The following DENND2B variants were observed in gnomAD, a reference collection of about 807,000 sequenced individuals.
DENND2B encodes DENN domain-containing protein 2B.
In DENND2B, 32 loss-of-function variants were observed where a neutral mutation model predicts 116.0. That is an observed-to-expected ratio of 0.28 (90% CI 0.21 to 0.37). DENND2B has a LOEUF of 0.37. Ranked by LOEUF, DENND2B falls within the 10% of genes least tolerant of loss-of-function variation. DENND2B has a pLI of 1.00. For synonymous variants in DENND2B, 588 were observed against 583.9 expected, an observed-to-expected ratio of 1.01 and a Z score of -0.10; for missense variants, 1,276 against 1,477.7, an observed-to-expected ratio of 0.86 and a Z score of 2.24.
chr11:8,694,716 A>C, intron 19 of DENND2B: 1 of 425,000 alleles, frequency 2.4e-6, no homozygotes, highest in Non-Finnish European at 4.6e-6. Context: ...TGTACTGAAC[A>C]TATATAGACT....
At chr11:8,695,354 G>T in intron 19 of DENND2B, 109 bp downstream of exon 19, 2 of 1,024,982 alleles carry the variant, frequency 2.0e-6, no homozygotes, top group Non-Finnish European at 3.0e-6. Flanking sequence ...TCTGTCTACA[G>T]CCCCAGTATA....
intron 14 of DENND2B, chr11:8,700,071 G>C (rs983880026): frequency 8.9e-6 from 4 of 451,070 alleles, no homozygotes; most frequent in African/African-American, 2.0e-5. Flanking sequence ...GCCTGGGGGG[G>C]GGCAGGGTGG....
At chr11:8,767,239 T>C (rs545726934) in intron 1 of DENND2B, among the ~76,000 whole-genome samples, 1 of 152,330 alleles carries the variant, frequency 6.6e-6, no homozygotes, top group African/African-American at 2.4e-5. Context: ...CTCAGAAGCA[T>C]GTCACAGGAG....
chr11:8,788,604 C>A (rs1273098066), intron 1 of DENND2B, among the ~76,000 whole-genome samples: 6 of 152,178 alleles, frequency 3.9e-5, no homozygotes, highest in Non-Finnish European at 8.8e-5. Context: ...ACACACCAGG[C>A]TCTCCCTGAG....
Position 8,707,191 on chromosome 11 carries a change from G to A in DENND2B, c.2465C>T (p.Ser822Phe). Residue 822 changes from serine to phenylalanine, a missense_variant, in exon 13 of 20, where the codon TCC becomes TTC. Physicochemically the swap from Ser to Phe is radical, Grantham distance 155. Transcript: ENST00000313726. This position sits in a 1 kb window ranked among gnomAD's most constrained non-coding sequence, Gnocchi z 4.8. ...CATGAAAGGATAGACCAATGCAGCG[G>A]AGATCCCACGCCGGCGCTCCACCTC... ...LDEVERRRGI[S>F]AALVYPFMRS... 1 of 1,613,534 alleles carries A rather than the reference G, an allele frequency of 6.2e-7. No homozygotes were observed. Among genetic ancestry groups the A allele is most frequent in the Non-Finnish European group, 8.5e-7 (1 of 1,179,668 alleles).
chr11:8,739,464 GTGTT>G (rs781734824), intron 2 of DENND2B, among the ~76,000 whole-genome samples: 1 of 152,204 alleles, frequency 6.6e-6, no homozygotes, highest in Non-Finnish European at 1.5e-5. Context: ...ATCTCTAACA[GTGTT>G]TGAACACTAT....
chr11:8,854,541 C>A (rs1027715440), intron 3 of DENND2B, among the ~76,000 whole-genome samples: 2 of 152,218 alleles, frequency 1.3e-5, no homozygotes, highest in African/African-American at 2.4e-5. Flanking sequence ...GAAATAATTT[C>A]TATTCTGTAG....
intron 3 of DENND2B, among the ~76,000 whole-genome samples, chr11:8,848,192 G>C (rs1396013461): frequency 1.3e-5 from 2 of 152,200 alleles, no homozygotes. Context: ...AGTGTAACAA[G>C]GTGAGTAGAC....
chr11:8,778,369 G>A lies in DENND2B; in HGVS notation c.-25-27644C>T, dbSNP rs2134236142. Among the ~76,000 whole-genome samples the A allele has an allele frequency of 1.3e-5, 2 of 152,254 alleles. 1 individual carries two copies. Among genetic ancestry groups the A allele is most frequent in the South Asian group, 4.2e-4 (2 of 4,812 alleles). Reference sequence around the variant, plus strand: ...TCCAAGGCTGAAGAGAAGACCTAGTGCACACTATCTTGAGAGGCTTAGCCA... The same window carrying A: ...TCCAAGGCTGAAGAGAAGACCTAGTACACACTATCTTGAGAGGCTTAGCCA... On this transcript the variant is annotated intron_variant, in intron 1 of 19. Transcript: ENST00000313726.
chr11:8,776,473 C>A (rs914870521), intron 1 of DENND2B: 4 of 347,596 alleles, frequency 1.2e-5, no homozygotes, highest in Non-Finnish European at 2.3e-5. Flanking sequence ...AGGCTCCTGA[C>A]CGGTGGGAGG....
At chr11:8,717,650 C>G (rs535715093) in intron 5 of DENND2B, 91 bp downstream of exon 5, 8 of 1,446,204 alleles carry the variant, frequency 5.5e-6, no homozygotes, top group Non-Finnish European at 5.5e-6. Flanking sequence ...GGGTAAAAGC[C>G]TGAGTGGAAG....
At chr11:8,744,540 G>A (rs2050881431) in intron 2 of DENND2B, among the ~76,000 whole-genome samples, 1 of 152,270 alleles carries the variant, frequency 6.6e-6, no homozygotes, top group East Asian at 1.9e-4. Context: ...TGGGCATGAA[G>A]CAGATGGAGA....
intron 1 of DENND2B, among the ~76,000 whole-genome samples, chr11:8,778,374 C>G (rs2057977833): frequency 6.6e-6 from 1 of 152,198 alleles, no homozygotes; most frequent in Admixed American, 6.5e-5. Context: ...CTAGTGCACA[C>G]TATCTTGAGA....
intron 3 of DENND2B, 60 bp from the exon 4 acceptor site, chr11:8,726,269 G>A: frequency 6.4e-7 from 1 of 1,550,962 alleles, no homozygotes; most frequent in Non-Finnish European, 8.7e-7. Flanking sequence ...GCCTTGCTGG[G>A]GAATGTCCAT....
chr11:8,846,406 G>A (rs1179215898), intron 3 of DENND2B, among the ~76,000 whole-genome samples: 1 of 152,186 alleles, frequency 6.6e-6, no homozygotes, highest in Admixed American at 6.5e-5. Flanking sequence ...ACAAGTGGAG[G>A]ACAGTATCAT....
intron 1 of DENND2B, chr11:8,757,030 G>C (rs1218141383): frequency 2.2e-6 from 1 of 456,110 alleles, no homozygotes; most frequent in African/African-American, 2.0e-5. Context: ...CCAGAGAAAG[G>C]AATAGAATAA....
intron 1 of DENND2B, among the ~76,000 whole-genome samples, chr11:8,774,894 T>A (rs1238812441): frequency 1.3e-5 from 2 of 151,870 alleles, no homozygotes; most frequent in Admixed American, 1.3e-4. Context: ...TTTTCACTTT[T>A]TTTTGAGACA....
At chr11:8,853,930 C>T (rs191603042) in intron 3 of DENND2B, among the ~76,000 whole-genome samples, 27 of 150,678 alleles carry the variant, frequency 1.8e-4, no homozygotes, top group Non-Finnish European at 1.5e-5. Context: ...CTCACTGCAG[C>T]CTTGAACTCC....
At chr11:8,698,137 CAAAAAAAAAAAAAAAA>C (rs33975736) in intron 16 of DENND2B, among the ~76,000 whole-genome samples, 6 of 39,808 alleles carry the variant, frequency 1.5e-4, no homozygotes, top group Non-Finnish European at 2.4e-4. Context: ...ACCCTGTCTC[CAAAAAAAAAAAAAAAA>C]AAAAAAAAAA....
Sources: gnomAD v4.1 joint callset for allele counts (sites outside exome capture counted in the v4.1 genomes callset) on GRCh38, gnomAD v4.1.1 for gene constraint, Gnocchi (gnomAD v3.1) non-coding constraint, MANE v1.5 for transcripts, NCBI Gene and HGNC (gene_info 2026-07-23, HGNC 2026-07-21) for gene names.